CNTN5: variants seen among roughly 807,000 people sequenced by gnomAD.
CNTN5 encodes the protein contactin-5.
CNTN5 carries 77 observed loss-of-function variants against 129.1 expected under a neutral mutation model. The ratio of observed to expected loss-of-function variants is 0.60; its 90% CI spans 0.50 to 0.72. The LOEUF (loss-of-function observed/expected upper bound fraction) is 0.72. Among genes scored for constraint, CNTN5 ranks in the 30% least tolerant of loss-of-function variants. The pLI is 0.00. For missense variants in CNTN5, 1,478 were observed against 1,328.8 expected, an observed-to-expected ratio of 1.11 and a Z score of -1.75; for synonymous variants, 509 against 465.6, an observed-to-expected ratio of 1.09 and a Z score of -1.20.
intron 17 of CNTN5, among the ~76,000 whole-genome samples, chr11:100,265,216 G>A (rs1204548991): frequency 6.6e-6 from 1 of 152,038 alleles, no homozygotes; most frequent in South Asian, 2.1e-4. Flanking sequence ...TACCCTTCAT[G>A]GTGCTAGGGC....
At chr11:100,316,300 A>G (rs1951571014) in intron 21 of CNTN5, among the ~76,000 whole-genome samples, 1 of 152,200 alleles carries the variant, frequency 6.6e-6, no homozygotes. Flanking sequence ...CTCATCAAGC[A>G]TTTATTCAGT....
At chr11:100,320,243 T>A (rs1951661425) in intron 21 of CNTN5, among the ~76,000 whole-genome samples, 2 of 152,132 alleles carry the variant, frequency 1.3e-5, no homozygotes, top group Admixed American at 1.3e-4. Flanking sequence ...TATTCTAATG[T>A]GTATGCAGTG....
chr11:99,645,995 A>G (rs2135861172), intron 3 of CNTN5, among the ~76,000 whole-genome samples: 1 of 152,310 alleles, frequency 6.6e-6, no homozygotes, highest in South Asian at 2.1e-4. Flanking sequence ...TGGATTCCTG[A>G]CACAATAAGG....
intron 6 of CNTN5, among the ~76,000 whole-genome samples, chr11:99,894,364 A>G (rs1949142513): frequency 6.6e-6 from 1 of 152,050 alleles, no homozygotes; most frequent in African/African-American, 2.4e-5. Flanking sequence ...TGATGTGAAT[A>G]GTTCTGGATA....
intron 1 of CNTN5, among the ~76,000 whole-genome samples, chr11:99,248,238 C>A (rs1861918894): frequency 1.3e-5 from 2 of 152,144 alleles, no homozygotes; most frequent in South Asian, 4.2e-4. Flanking sequence ...TTTCATGTGT[C>A]TTTTGGGTGC....
intron 2 of CNTN5, among the ~76,000 whole-genome samples, chr11:99,526,710 T>C (rs1947501252): frequency 6.6e-6 from 1 of 152,230 alleles, no homozygotes; most frequent in African/African-American, 2.4e-5. Flanking sequence ...GCATCGAATG[T>C]GTTCAAGTGT....
intron 13 of CNTN5, among the ~76,000 whole-genome samples, chr11:100,169,069 G>A (rs1294156630): frequency 1.3e-5 from 2 of 151,952 alleles, no homozygotes; most frequent in Non-Finnish European, 2.9e-5. Context: ...AAGTTGAAGG[G>A]ATGAGGAGTT....
intron 10 of CNTN5, among the ~76,000 whole-genome samples, chr11:100,068,145 G>T (rs1943766206): frequency 6.6e-6 from 1 of 152,056 alleles, no homozygotes. Flanking sequence ...ATTATAGGTA[G>T]GACACTGTTT....
intron 21 of CNTN5, chr11:100,337,508 C>T (rs1952060128): frequency 1.3e-6 from 1 of 740,932 alleles, no homozygotes. Flanking sequence ...ATCTCAAGAA[C>T]CAGCTCAAAC....
chr11:99,965,823 A>G (rs1035496825), intron 8 of CNTN5, among the ~76,000 whole-genome samples: 2 of 151,832 alleles, frequency 1.3e-5, no homozygotes, highest in Non-Finnish European at 2.9e-5. Flanking sequence ...AGGACTTGCT[A>G]TTCAAAAACT....
chr11:99,773,882 T>G (rs1479431828), intron 3 of CNTN5, among the ~76,000 whole-genome samples: 1 of 152,116 alleles, frequency 6.6e-6, no homozygotes, highest in Non-Finnish European at 1.5e-5. Flanking sequence ...CTCTTGTTTA[T>G]ATTACAAAAA....
chr11:99,781,982 T>A (rs1435957065), intron 3 of CNTN5, among the ~76,000 whole-genome samples: 1 of 151,432 alleles, frequency 6.6e-6, no homozygotes, highest in Non-Finnish European at 1.5e-5. Flanking sequence ...GCCAGGGCAA[T>A]TAGGCAGGAG....
chr11:99,281,314 C>A (rs1488420453), intron 1 of CNTN5, among the ~76,000 whole-genome samples: 3 of 151,818 alleles, frequency 2.0e-5, no homozygotes, highest in Non-Finnish European at 2.9e-5. Flanking sequence ...AAAAAGAAAT[C>A]CTCATATAAA....
chr11:99,287,203 G>A (rs1156923009), intron 1 of CNTN5, among the ~76,000 whole-genome samples: 2 of 152,114 alleles, frequency 1.3e-5, no homozygotes, highest in Non-Finnish European at 2.9e-5. Flanking sequence ...GGTTGAACTT[G>A]TTGACATTCA....
chr11:99,238,159 C>A (rs1861372776), intron 1 of CNTN5, among the ~76,000 whole-genome samples: 1 of 152,072 alleles, frequency 6.6e-6, no homozygotes, highest in Non-Finnish European at 1.5e-5. Flanking sequence ...AATCATATTA[C>A]ATATCCATCA....
chr11:99,259,852 C>T (rs1253301066), intron 1 of CNTN5, among the ~76,000 whole-genome samples: 2 of 151,714 alleles, frequency 1.3e-5, no homozygotes, highest in Non-Finnish European at 2.9e-5. Context: ...AACAATATCT[C>T]GTTATTTGAA....
At chr11:99,827,049 G>T (rs1365056796) in intron 4 of CNTN5, among the ~76,000 whole-genome samples, 1 of 152,070 alleles carries the variant, frequency 6.6e-6, no homozygotes, top group East Asian at 1.9e-4. Context: ...GGTCAGAGCA[G>T]CTGTGTTCAT....
At chr11:99,287,242 A>T (rs1863977346) in intron 1 of CNTN5, among the ~76,000 whole-genome samples, 2 of 152,154 alleles carry the variant, frequency 1.3e-5, no homozygotes, top group African/African-American at 4.8e-5. Flanking sequence ...CCTTTCAATT[A>T]GGAAATACAT....
intron 2 of CNTN5, among the ~76,000 whole-genome samples, chr11:99,491,118 G>A (rs1244307029): frequency 6.6e-6 from 1 of 152,090 alleles, no homozygotes; most frequent in Non-Finnish European, 1.5e-5. Flanking sequence ...TGAGAACAAT[G>A]TACTCCTTTA....
Sources: allele counts gnomAD v4.1 joint callset (sites outside exome capture counted in the v4.1 genomes callset), GRCh38; gene constraint gnomAD v4.1.1; transcripts MANE v1.5; gene names NCBI Gene and HGNC (gene_info 2026-07-23, HGNC 2026-07-21).